Variants in BBS7 observed in about 807,000 individuals in gnomAD.
The protein encoded by BBS7 is BBSome complex member BBS7.
BBS7 carries 50 observed loss-of-function variants against 90.3 expected under a neutral mutation model. The ratio of observed to expected loss-of-function variants is 0.55; its 90% CI spans 0.44 to 0.70. The LOEUF (loss-of-function observed/expected upper bound fraction) is 0.70, where lower values mean the gene tolerates loss of function less well. Ranked by LOEUF, BBS7 falls within the 30% of genes least tolerant of loss-of-function variation. The pLI is 0.00. For synonymous variants in BBS7, 235 were observed against 287.4 expected, an observed-to-expected ratio of 0.82 and a Z score of 1.85; for missense variants, 729 against 838.9, an observed-to-expected ratio of 0.87 and a Z score of 1.62.
intron 4 of BBS7, among the ~76,000 whole-genome samples, chr4:121,859,811 T>C (rs1213302778): frequency 6.6e-6 from 1 of 152,012 alleles, no homozygotes; most frequent in Non-Finnish European, 1.5e-5. Context: ...AAAAAAGAAA[T>C]GAAAACAAGT....
intron 1 of BBS7, 110 bp downstream of exon 1, chr4:121,870,168 C>G: frequency 7.0e-7 from 1 of 1,433,744 alleles, no homozygotes; most frequent in East Asian, 2.3e-5. Context: ...CCGGCTCCTT[C>G]GCCTCCGCAC....
At chr4:121,863,088 C>A in intron 3 of BBS7, 129 bp downstream of exon 3, 1 of 855,418 alleles carries the variant, frequency 1.2e-6, no homozygotes, top group Non-Finnish European at 1.9e-6. Flanking sequence ...TCATATCTCA[C>A]ATAACTACTT....
chr4:121,838,738 T>C (rs1031902896), intron 13 of BBS7, among the ~76,000 whole-genome samples: 1 of 144,764 alleles, frequency 6.9e-6, no homozygotes, highest in Non-Finnish European at 1.5e-5. Context: ...AAAAAAAAAG[T>C]ACAAAAATTA....
chr4:121,863,858 GAAAT>G (rs1167984816), intron 2 of BBS7, among the ~76,000 whole-genome samples: 1 of 152,104 alleles, frequency 6.6e-6, no homozygotes, highest in East Asian at 1.9e-4. Context: ...GAATTGTTTT[GAAAT>G]AAATATAGAG....
intron 7 of BBS7, among the ~76,000 whole-genome samples, chr4:121,853,970 T>A (rs561566709): frequency 6.6e-6 from 1 of 152,336 alleles, no homozygotes; most frequent in South Asian, 2.1e-4. Context: ...CTTTCACACT[T>A]ACTTTTTCCT....
At chr4:121,854,316 T>C (rs927428639) in intron 7 of BBS7, among the ~76,000 whole-genome samples, 8 of 152,218 alleles carry the variant, frequency 5.3e-5, no homozygotes, top group Admixed American at 2.0e-4. Flanking sequence ...TAGAAAGGTA[T>C]AAATTCCTTA....
At position 121,825,626 on chromosome 4, in the gene BBS7, C is replaced by A; in HGVS notation, c.*234G>T. 2.6e-6 allele frequency: 1 copy of A among 388,314 alleles called. No individual in the cohort carries two copies. Among genetic ancestry groups the A allele is most frequent in the South Asian group, 4.9e-5 (1 of 20,286 alleles). 24.1% of individuals were successfully genotyped at this position (388,314 alleles called of 1,614,324 possible). A position where few individuals can be genotyped will look rare whatever the true frequency, so the allele number is the denominator to read the frequency against. On this transcript the variant is annotated 3_prime_UTR_variant, in exon 19 of 19. Coordinates refer to ENST00000264499, the MANE Select transcript of BBS7 (RefSeq NM_176824.3). ...CCACTTGCCAAAAATTCATTAAAAT[C>A]CTATTTAAATCATTCTACTTGTGTT...
intron 5 of BBS7, among the ~76,000 whole-genome samples, chr4:121,855,976 AT>A (rs1242507572): frequency 3.3e-5 from 5 of 151,264 alleles, no homozygotes; most frequent in African/African-American, 1.2e-4. Context: ...ATATATATAT[AT>A]AAAATGTAAA....
chr4:121,845,416 C>A, intron 11 of BBS7, 88 bp downstream of exon 11: 1 of 812,772 alleles, frequency 1.2e-6, no homozygotes, highest in Non-Finnish European at 1.9e-6. Flanking sequence ...CTGTCTAAAA[C>A]TAAAAATGTT....
chr4:121,847,332 A>G (rs1726063639), intron 10 of BBS7, 72 bp downstream of exon 10: 3 of 949,574 alleles, frequency 3.2e-6, no homozygotes, highest in Non-Finnish European at 5.1e-6. Context: ...TACTGCATCT[A>G]TAAGTAATAA....
chr4:121,861,208 G>A lies in BBS7; in HGVS notation c.341+296C>T, dbSNP rs145048132. 7.5e-3 allele frequency: 1,845 copies of A among 245,430 alleles called. 11 individuals are homozygous for A. The highest frequency in any genetic ancestry group is 0.011 in the Non-Finnish European group (1,401 of 126,922). 15.2% of individuals were successfully genotyped at this position (245,430 alleles called of 1,614,324 possible). A position where few individuals can be genotyped will look rare whatever the true frequency, so the allele number is the denominator to read the frequency against. On this transcript the variant is annotated intron_variant, in intron 4 of 18. Transcript: ENST00000264499. Reference sequence around the variant, plus strand: ...AACCAGAACTATCAAAAATAGCCAAGGAACATAAAGCTAAATATCTAGATT... The same window carrying A: ...AACCAGAACTATCAAAAATAGCCAAAGAACATAAAGCTAAATATCTAGATT...
chr4:121,868,066 G>T lies in BBS7; in HGVS notation c.37-20C>A. 6.3e-7 allele frequency: 1 copy of T among 1,596,206 alleles called. No individual in the cohort carries two copies. The highest frequency in any genetic ancestry group is 8.6e-7 in the Non-Finnish European group (1 of 1,163,956). On this transcript the variant is annotated intron_variant, in intron 1 of 18. Transcript: ENST00000264499. ...TCCCACCTAAAGAAAAACACCAGATGCCTAGTGAATTTAATTTGAAGTTAT... is the reference window on the plus strand; with the variant it reads ...TCCCACCTAAAGAAAAACACCAGATTCCTAGTGAATTTAATTTGAAGTTAT...
intron 8 of BBS7, among the ~76,000 whole-genome samples, chr4:121,852,087 A>C (rs1188168719): frequency 6.6e-6 from 1 of 152,236 alleles, no homozygotes; most frequent in Non-Finnish European, 1.5e-5. Flanking sequence ...TTTTACACCA[A>C]AACAAGATGA....
At chr4:121,860,119 A>C (rs1267249909) in intron 4 of BBS7, among the ~76,000 whole-genome samples, 1 of 152,036 alleles carries the variant, frequency 6.6e-6, no homozygotes, top group African/African-American at 2.4e-5. Flanking sequence ...TTCTTCAGTT[A>C]TTAAGTGGCC....
chr4:121,842,246 C>CAG (rs1725774721), intron 12 of BBS7, among the ~76,000 whole-genome samples: 10 of 100,462 alleles, frequency 1.0e-4, no homozygotes, highest in African/African-American at 4.0e-4. Flanking sequence ...AGTGAGACTC[C>CAG]ATCTCAAAAA....
At chr4:121,831,808 T>C (rs951580813) in intron 15 of BBS7, among the ~76,000 whole-genome samples, 1 of 152,156 alleles carries the variant, frequency 6.6e-6, no homozygotes, top group Non-Finnish European at 1.5e-5. Context: ...TTTAGAATAA[T>C]ACTGTTATTA....
chr4:121,841,594 T>C (rs942448193), intron 12 of BBS7, among the ~76,000 whole-genome samples: 1 of 151,934 alleles, frequency 6.6e-6, no homozygotes, highest in Non-Finnish European at 1.5e-5. Context: ...TAACCATATG[T>C]TGAAAATTAG....
Position 121,828,070 on chromosome 4 carries a change from G to C in BBS7, c.2014+76C>G, listed in dbSNP as rs1195944348. 31 of 1,591,966 alleles carry C rather than the reference G, an allele frequency of 1.9e-5. No individual in the cohort carries two copies. The Admixed American group carries it at 5.0e-4, about 26-fold the overall frequency. ...TGTAATCTTTTTATCTTTCTGCCCA[G>C]CTTCTCTTACATGATCCTTGGGAAA... On this transcript the variant is annotated intron_variant, in intron 18 of 18. Coordinates refer to ENST00000264499, the MANE Select transcript of BBS7 (RefSeq NM_176824.3).
At chr4:121,841,499 C>T (rs1374353936) in intron 12 of BBS7, among the ~76,000 whole-genome samples, 2 of 152,074 alleles carry the variant, frequency 1.3e-5, no homozygotes, top group African/African-American at 2.4e-5. Flanking sequence ...CCAGAAGTTT[C>T]AGGCTGCAAT....
Sources: allele counts gnomAD v4.1 joint callset (sites outside exome capture counted in the v4.1 genomes callset), GRCh38; gene constraint gnomAD v4.1.1; transcripts MANE v1.5; gene names NCBI Gene and HGNC (gene_info 2026-07-23, HGNC 2026-07-21).